Variants in NFIC observed in about 807,000 individuals in gnomAD.
The protein encoded by NFIC is nuclear factor 1 C-type.
A neutral mutation model predicts 54.4 loss-of-function variants in NFIC; 12 were observed. The observed-to-expected ratio is 0.22, with a 90% confidence interval of 0.14 to 0.36. NFIC has a LOEUF of 0.36. Ranked by LOEUF, NFIC falls within the 10% of genes least tolerant of loss-of-function variation. NFIC has a pLI of 1.00. For missense variants in NFIC, 575 were observed against 718.2 expected (o/e 0.80, Z 2.28); for synonymous variants, 322 against 319.2 (o/e 1.01, Z -0.09).
chr19:3,399,904 G>C (rs2081527433), intron 2 of NFIC, among the ~76,000 whole-genome samples: 2 of 152,054 alleles, frequency 1.3e-5, no homozygotes, highest in African/African-American at 2.4e-5. Flanking sequence ...ATAAAAATAG[G>C]CTGGGCACAG....
At chr19:3,460,472 G>A (rs902806275) in intron 10 of NFIC, among the ~76,000 whole-genome samples, 3 of 152,152 alleles carry the variant, frequency 2.0e-5, no homozygotes, top group African/African-American at 7.2e-5. Flanking sequence ...CGGGGATACC[G>A]GGGACATCAT....
intron 2 of NFIC, among the ~76,000 whole-genome samples, chr19:3,407,697 G>A (rs2081676458): frequency 6.6e-6 from 1 of 152,008 alleles, no homozygotes; most frequent in East Asian, 1.9e-4. Context: ...GCCTCCCAAA[G>A]TGCTGGGATT....
intron 2 of NFIC, 47 bp from the exon 3 acceptor site, chr19:3,425,059 G>A: frequency 6.2e-7 from 1 of 1,600,226 alleles, no homozygotes; most frequent in Non-Finnish European, 8.5e-7. Flanking sequence ...CTGCTCCTGG[G>A]GTGGGGTCTC....
intron 1 of NFIC, among the ~76,000 whole-genome samples, chr19:3,380,491 A>G (rs1021012804): frequency 2.0e-5 from 3 of 150,808 alleles, no homozygotes; most frequent in African/African-American, 4.9e-5. Context: ...ATGCCTGGCT[A>G]CATTTTTTTG....
chr19:3,440,450 C>T lies in NFIC; in HGVS notation c.958+5243C>T, dbSNP rs185248481. Among the ~76,000 whole-genome samples, 975 of 149,052 alleles carry T rather than the reference C, an allele frequency of 6.5e-3. 3 individuals carry two copies. The highest frequency in any genetic ancestry group is 0.01 in the Non-Finnish European group (706 of 67,414). ...GCCACTCTTTTTTTTTTTTTTGAGA[C>T]GGAATCTCTCTCTGTCGCTCGCCCA... On this transcript the variant is annotated intron_variant, in intron 6 of 10. Transcript: ENST00000443272.
intron 2 of NFIC, among the ~76,000 whole-genome samples, chr19:3,410,303 G>A (rs1379764450): frequency 6.6e-6 from 1 of 152,194 alleles, no homozygotes; most frequent in African/African-American, 2.4e-5. Flanking sequence ...ACTAGCATGT[G>A]TGTGGTCATC....
At chr19:3,398,412 A>G (rs1389871007) in intron 2 of NFIC, among the ~76,000 whole-genome samples, 1 of 152,054 alleles carries the variant, frequency 6.6e-6, no homozygotes, top group Admixed American at 6.6e-5. Context: ...CCCAGCCTGG[A>G]TCTCACTCTG....
In NFIC at chr19:3,369,808, C is replaced by T. The variant is rs1490532731; in HGVS notation, c.30+3142C>T. 6.6e-6 allele frequency among the ~76,000 whole-genome samples: 1 copy of T among 152,202 alleles called. No individual in the cohort carries two copies. The highest frequency in any genetic ancestry group is 2.4e-5 in the African/African-American group (1 of 41,450). On this transcript the variant is annotated intron_variant, in intron 1 of 10. Coordinates refer to ENST00000443272, the MANE Select transcript of NFIC (RefSeq NM_001245002.2). The surrounding 1 kb of genome is among the most constrained non-coding windows in gnomAD (Gnocchi z 4.3). Reference sequence around the variant, plus strand: ...GTTATTCCGGGTTTGGGGCCAAGTCCCTCTTGGCCGCAGCGTGGCGGATTC... The same window carrying T: ...GTTATTCCGGGTTTGGGGCCAAGTCTCTCTTGGCCGCAGCGTGGCGGATTC...
intron 3 of NFIC, among the ~76,000 whole-genome samples, chr19:3,432,744 G>A (rs1033648067): frequency 6.0e-5 from 9 of 149,692 alleles, no homozygotes; most frequent in Admixed American, 1.3e-4. Context: ...GCGCAATCTC[G>A]GCTCACTGCA....
At chr19:3,394,014 C>T (rs1282911544) in intron 2 of NFIC, among the ~76,000 whole-genome samples, 1 of 151,432 alleles carries the variant, frequency 6.6e-6, no homozygotes, top group Non-Finnish European at 1.5e-5. Flanking sequence ...GCAATCTCGG[C>T]TCACTGCAAC....
At chr19:3,410,150 C>T (rs557815940) in intron 2 of NFIC, among the ~76,000 whole-genome samples, 26 of 152,284 alleles carry the variant, frequency 1.7e-4, no homozygotes, top group African/African-American at 5.5e-4. Context: ...ACGCCATTCT[C>T]CTGCCTCAGC....
At position 3,429,247 on chromosome 19, in the gene NFIC, A is replaced by AAAAT. The variant is rs1247857966; in HGVS notation, c.634+4071_634+4072insAATA. The stretch of plus-strand genomic sequence containing the variant: ...TCTCTACCCCAAAAAAAAAAAAAAA[A>AAAAT]ATATATACACACACACACACACACA... On this transcript the variant is annotated intron_variant, in intron 3 of 10. Coordinates refer to ENST00000443272, the MANE Select transcript of NFIC (RefSeq NM_001245002.2). Among the ~76,000 whole-genome samples, 7 of 37,710 alleles carry AAAAT rather than the reference A, an allele frequency of 1.9e-4. 1 individual carries two copies. The highest frequency in any genetic ancestry group is 5.3e-4 in the African/African-American group (6 of 11,258). 24.7% of individuals were successfully genotyped at this position (37,710 alleles called of 152,430 possible).
chr19:3,382,310 A>G (rs1175257498), intron 2 of NFIC, 67 bp downstream of exon 2: 1 of 1,556,930 alleles, frequency 6.4e-7, no homozygotes, highest in African/African-American at 1.3e-5. Flanking sequence ...ACACGGGGCC[A>G]GGAGGGCCTG....
Position 3,379,673 on chromosome 19 carries a change from C to CTTTTTTTTTTTTTTTTTTTT in NFIC, c.31-2035_31-2016dup, listed in dbSNP as rs370082450. Among the ~76,000 whole-genome samples the CTTTTTTTTTTTTTTTTTTTT allele has an allele frequency of 1.6e-3, 162 of 102,500 alleles. 2 individuals are homozygous for CTTTTTTTTTTTTTTTTTTTT. The highest frequency in any genetic ancestry group is 5.0e-3 in the Middle Eastern group (1 of 202). 67.2% of individuals were successfully genotyped at this position (102,500 alleles called of 152,430 possible). A position where few individuals can be genotyped will look rare whatever the true frequency, so the allele number is the denominator to read the frequency against. Reference sequence around the variant, plus strand: ...ATTTTTCATTTTTTTTTATTTCTTTCTTTTTTTTTTTTTTTTTTTTTTTGA... The same window carrying CTTTTTTTTTTTTTTTTTTTT: ...ATTTTTCATTTTTTTTTATTTCTTTCTTTTTTTTTTTTTTTTTTTTTTTTTTTTTTTTTTTTTTTTTTTGA... On this transcript the variant is annotated intron_variant, in intron 1 of 10. Coordinates refer to ENST00000443272, the MANE Select transcript of NFIC (RefSeq NM_001245002.2).
chr19:3,365,167 G>C (rs1246063065), upstream of NFIC, among the ~76,000 whole-genome samples: 2 of 152,194 alleles, frequency 1.3e-5, no homozygotes, highest in Admixed American at 1.3e-4. Flanking sequence ...TTCCTCTCCT[G>C]TAATGCCTGA....
rs2082615557 is a variant in NFIC at position 3,459,894 on chromosome 19, T to TG, written c.1510-2852dup. Among the ~76,000 whole-genome samples the TG allele has an allele frequency of 6.6e-6, 1 of 151,866 alleles. No individual in the cohort carries two copies. Among genetic ancestry groups the TG allele is most frequent in the Admixed American group, 6.6e-5 (1 of 15,248 alleles). On this transcript the variant is annotated intron_variant, in intron 10 of 10. Transcript: ENST00000443272. The surrounding 1 kb of genome is among the most constrained non-coding windows in gnomAD (Gnocchi z 4.2). ...TCTGTTGAATGATTTGCTGCAGCGG[T>TG]GGGGGGCGGCCCCACCTCTAACCTC...
intron 1 of NFIC, among the ~76,000 whole-genome samples, chr19:3,371,998 C>CCTCTCTCTCTCTCTCTCTCTCTCTCTCT (rs56852086): frequency 2.8e-5 from 1 of 35,370 alleles, no homozygotes; most frequent in Non-Finnish European, 5.3e-5. Flanking sequence ...CCTCTCTCTC[C>CCTCTCTCTCTCTCTCTCTCTCTCTCTCT]CTCTCTCTCT....
chr19:3,427,838 GAAGA>G (rs2082051144), intron 3 of NFIC, among the ~76,000 whole-genome samples: 2 of 140,824 alleles, frequency 1.4e-5, no homozygotes, highest in East Asian at 2.2e-4. Flanking sequence ...AAAAGAAGAA[GAAGA>G]AAGAAGGAAA....
chr19:3,455,054 A>G (rs527243153), intron 9 of NFIC, among the ~76,000 whole-genome samples: 2 of 152,286 alleles, frequency 1.3e-5, no homozygotes, highest in South Asian at 2.1e-4. Context: ...TTGGTGCCCA[A>G]TTCACAGGGC....
Sources: gnomAD v4.1 joint callset for allele counts (sites outside exome capture counted in the v4.1 genomes callset) on GRCh38, gnomAD v4.1.1 for gene constraint, Gnocchi (gnomAD v3.1) non-coding constraint, MANE v1.5 for transcripts, NCBI Gene and HGNC (gene_info 2026-07-23, HGNC 2026-07-21) for gene names.